ADD1: variants seen among roughly 807,000 people sequenced by gnomAD.
ADD1 encodes alpha-adducin.
Under a neutral mutation model 80.5 loss-of-function variants are expected in ADD1, and 24 were observed. That is an observed-to-expected ratio of 0.30 (90% CI 0.22 to 0.42). The LOEUF (loss-of-function observed/expected upper bound fraction) is 0.42, where lower values mean the gene tolerates loss of function less well. ADD1 is among the 10% of genes least tolerant of loss of function. ADD1 has a pLI of 1.00. For synonymous variants in ADD1, 373 were observed against 393.8 expected, an observed-to-expected ratio of 0.95 and a Z score of 0.63; for missense variants, 948 against 1,019.0, an observed-to-expected ratio of 0.93 and a Z score of 0.95.
chr4:2,914,183 C>T (rs1738580555), intron 13 of ADD1, among the ~76,000 whole-genome samples: 1 of 152,230 alleles, frequency 6.6e-6, no homozygotes, highest in South Asian at 2.1e-4. Context: ...GACCGCACCC[C>T]CTGATGCCCA....
intron 10 of ADD1, chr4:2,905,771 G>A (rs1195141365): frequency 6.5e-6 from 1 of 153,008 alleles, no homozygotes; most frequent in Admixed American, 6.5e-5. Flanking sequence ...AGGCACCAGC[G>A]ACAGACGCTG....
At chr4:2,894,303 C>T (rs1734786480) in intron 5 of ADD1, among the ~76,000 whole-genome samples, 1 of 151,912 alleles carries the variant, frequency 6.6e-6, no homozygotes, top group Non-Finnish European at 1.5e-5. Context: ...ATTTGAAGTC[C>T]TCTTGGGCTG....
At position 2,928,647 on chromosome 4, in the gene ADD1, C is replaced by G. The variant is rs1712403820; in HGVS notation, c.*124C>G. The G allele has an allele frequency of 9.7e-7, 1 of 1,032,744 alleles. No homozygotes were observed. The highest frequency in any genetic ancestry group is 1.4e-6 in the Non-Finnish European group (1 of 700,882). 64.0% of individuals were successfully genotyped at this position (1,032,744 alleles called of 1,614,324 possible). ...AGCCAAGCCCTCCGCCTAGAGGTCC[C>G]CTCACGTGACCAGCCCCGTGTAGCC... On this transcript the variant is annotated 3_prime_UTR_variant, in exon 16 of 16. Coordinates refer to ENST00000683351, the MANE Select transcript of ADD1 (RefSeq NM_001354761.2).
intron 4 of ADD1, among the ~76,000 whole-genome samples, chr4:2,886,103 A>C (rs551383026): frequency 4.4e-4 from 67 of 152,210 alleles, no homozygotes; most frequent in African/African-American, 1.5e-3. Context: ...TTTTTGTATC[A>C]AGTGTACCTT....
chr4:2,849,049 C>T (rs1050844672), intron 1 of ADD1, among the ~76,000 whole-genome samples: 4 of 152,162 alleles, frequency 2.6e-5, no homozygotes, highest in Non-Finnish European at 5.9e-5. Flanking sequence ...TACACTTTTA[C>T]TTTCCGTAGA....
At chr4:2,908,927 G>A (rs534542953) in intron 12 of ADD1, 4 of 457,252 alleles carry the variant, frequency 8.7e-6, no homozygotes, top group Admixed American at 3.7e-5. Flanking sequence ...CGCTAGGAGA[G>A]GGTGGGTTTA....
chr4:2,875,729 A>G (rs532884010), intron 1 of ADD1, among the ~76,000 whole-genome samples, 167 bp from the exon 2 acceptor site: 11 of 152,310 alleles, frequency 7.2e-5, no homozygotes, highest in African/African-American at 2.6e-4. Flanking sequence ...TTGATCAGCC[A>G]TGTGCCTCTG....
intron 4 of ADD1, among the ~76,000 whole-genome samples, chr4:2,892,927 A>AT (rs766036297): frequency 1.6e-3 from 235 of 151,044 alleles, no homozygotes; most frequent in Non-Finnish European, 2.6e-3. Flanking sequence ...TATTTTATTT[A>AT]TTTTTTTGAG....
At chr4:2,882,936 C>G (rs546973223) in intron 3 of ADD1, among the ~76,000 whole-genome samples, 2 of 152,280 alleles carry the variant, frequency 1.3e-5, no homozygotes, top group Admixed American at 6.5e-5. Context: ...TCTCAGCTCC[C>G]TGCAAACTAC....
At chr4:2,889,370 CA>C (rs1246532745) in intron 4 of ADD1, among the ~76,000 whole-genome samples, 1 of 152,102 alleles carries the variant, frequency 6.6e-6, no homozygotes, top group Non-Finnish European at 1.5e-5. Context: ...ATGTGAAATG[CA>C]ATACTTTAAC....
At position 2,875,913 on chromosome 4, in the gene ADD1, A is replaced by G. The variant is rs1255255521; in HGVS notation, c.-3A>G. The stretch of plus-strand genomic sequence containing the variant: ...TTCTGTAGGAACCTAGAAAGATTGT[A>G]CAATGAATGGTGATTCTCGTGCTGC... On this transcript the variant is annotated 5_prime_UTR_variant, in exon 2 of 16. Coordinates refer to ENST00000683351, the MANE Select transcript of ADD1 (RefSeq NM_001354761.2). The G allele has an allele frequency of 1.3e-5, 21 of 1,584,952 alleles. No individual in the cohort carries two copies. Among genetic ancestry groups the G allele is most frequent in the African/African-American group, 2.7e-5 (2 of 73,378 alleles).
intron 3 of ADD1, among the ~76,000 whole-genome samples, chr4:2,883,481 T>G (rs1397230821): frequency 6.6e-6 from 1 of 152,160 alleles, no homozygotes; most frequent in Admixed American, 6.5e-5. Flanking sequence ...CCCTTAGTCT[T>G]TCTTCTTTAG....
At chr4:2,850,770 A>G (rs546211809) in intron 1 of ADD1, among the ~76,000 whole-genome samples, 1 of 149,214 alleles carries the variant, frequency 6.7e-6, no homozygotes, top group African/African-American at 2.5e-5. Flanking sequence ...GGGTTTCACC[A>G]CGTTGCCCAG....
intron 1 of ADD1, among the ~76,000 whole-genome samples, chr4:2,848,545 C>T (rs542796479): frequency 1.3e-5 from 2 of 152,148 alleles, no homozygotes; most frequent in African/African-American, 2.4e-5. Flanking sequence ...CATAGTTTGC[C>T]GCAGCCTTGA....
Position 2,876,066 on chromosome 4 carries a change from A to T in ADD1, c.151A>T (p.Met51Leu). ...ACCAGACCTTCGCCAGGACTTCAACATGATGGAGCAAAAGAAGAGGGTGTC... is the reference window on the plus strand; with the variant it reads ...ACCAGACCTTCGCCAGGACTTCAACTTGATGGAGCAAAAGAAGAGGGTGTC... ...MAPDLRQDFN[M>L]MEQKKRVSMI... is the part of the protein sequence containing the mutation. The change falls in exon 2 of 16, where the codon ATG (methionine) becomes TTG (leucine). Residue 51 changes from methionine to leucine, a missense_variant. Transcript: ENST00000683351. 6.2e-7 allele frequency: 1 copy of T among 1,614,118 alleles called. No individual in the cohort carries two copies. Among genetic ancestry groups the T allele is most frequent in the Non-Finnish European group, 8.5e-7 (1 of 1,180,002 alleles).
At chr4:2,858,582 C>A (rs1180485902) in intron 1 of ADD1, among the ~76,000 whole-genome samples, 1 of 152,170 alleles carries the variant, frequency 6.6e-6, no homozygotes, top group Non-Finnish European at 1.5e-5. Context: ...ACTAGTGATA[C>A]CAGACAGATT....
chr4:2,884,785 T>C, intron 4 of ADD1, 119 bp downstream of exon 4: 3 of 1,195,674 alleles, frequency 2.5e-6, no homozygotes, highest in South Asian at 1.8e-5. Context: ...TTGGAATACC[T>C]CTTCTGATTC....
intron 14 of ADD1, among the ~76,000 whole-genome samples, chr4:2,915,947 CT>C (rs1449556907): frequency 1.3e-5 from 2 of 152,150 alleles, no homozygotes; most frequent in Non-Finnish European, 2.9e-5. Context: ...ACCGGGGCCC[CT>C]CTGCCAAAAC....
At chr4:2,902,026 A>G (rs1418591978) in intron 9 of ADD1, 1 of 151,858 alleles carries the variant, frequency 6.6e-6, no homozygotes, top group East Asian at 1.9e-4. Context: ...AAGTGCTAGG[A>G]TTATGGGTGT....
Sources: gnomAD v4.1 joint callset for allele counts (sites outside exome capture counted in the v4.1 genomes callset) on GRCh38, gnomAD v4.1.1 for gene constraint, MANE v1.5 for transcripts, NCBI Gene and HGNC (gene_info 2026-07-23, HGNC 2026-07-21) for gene names.